COL11A1: variants seen among roughly 807,000 people sequenced by gnomAD.
COL11A1 encodes the protein collagen type XI alpha 1 chain, also known as collagen alpha-1(XI) chain.
A neutral mutation model predicts 265.2 loss-of-function variants in COL11A1; 74 were observed. That is an observed-to-expected ratio of 0.28 (90% CI 0.23 to 0.34). The LOEUF is 0.34. Among genes scored for constraint, COL11A1 ranks in the 10% least tolerant of loss-of-function variants. The pLI is 1.00. For synonymous variants in COL11A1, 816 were observed against 727.6 expected, an observed-to-expected ratio of 1.12 and a Z score of -1.96; for missense variants, 2,165 against 2,263.6, an observed-to-expected ratio of 0.96 and a Z score of 0.88.
chr1:103,072,201 G>A (rs956079619), intron 4 of COL11A1, among the ~76,000 whole-genome samples: 3 of 151,756 alleles, frequency 2.0e-5, no homozygotes, highest in African/African-American at 7.3e-5. Context: ...ATCATCTTCA[G>A]TTTTGCATTT....
intron 45 of COL11A1, 133 bp downstream of exon 45, chr1:102,934,927 T>A: frequency 1.2e-6 from 1 of 818,314 alleles, no homozygotes; most frequent in Non-Finnish European, 2.1e-6. Flanking sequence ...ATTTGATAAT[T>A]TAAATTTGAT....
At chr1:103,025,686 TG>T in intron 6 of COL11A1, 73 bp from the exon 7 acceptor site, 1 of 1,563,868 alleles carries the variant, frequency 6.4e-7, no homozygotes, top group East Asian at 2.2e-5. Flanking sequence ...ATGATTTAAT[TG>T]GGTTATAGTA....
intron 22 of COL11A1, 63 bp downstream of exon 22, chr1:103,002,684 A>G: frequency 7.0e-7 from 1 of 1,419,544 alleles, no homozygotes; most frequent in African/African-American, 1.4e-5. Context: ...ATTTAACAAC[A>G]AAAAATGGTT....
At chr1:102,947,481 A>G (rs1373731953) in intron 41 of COL11A1, among the ~76,000 whole-genome samples, 1 of 152,158 alleles carries the variant, frequency 6.6e-6, no homozygotes, top group Non-Finnish European at 1.5e-5. Context: ...ATAACATTTG[A>G]TAATCACTAT....
intron 4 of COL11A1, among the ~76,000 whole-genome samples, chr1:103,057,070 A>G (rs558525578): frequency 3.3e-5 from 5 of 152,182 alleles, no homozygotes; most frequent in Non-Finnish European, 7.4e-5. Flanking sequence ...CCTTTCATAA[A>G]AGATTTCTCT....
chr1:102,878,039 G>C lies in COL11A1; in HGVS notation c.5401C>G (p.Pro1801Ala), dbSNP rs772836164. 6.2e-7 allele frequency: 1 copy of C among 1,613,296 alleles called. No individual in the cohort carries two copies. The highest frequency in any genetic ancestry group is 2.2e-5 in the East Asian group (1 of 44,816). The change falls in exon 67 of 67, where the codon CCT becomes GCT. Residue 1801 changes from proline (P) to alanine (A), a missense_variant. Transcript: ENST00000370096. ...TAATCTTAGCCAAGAAAACAAACAGGACCAACTTCAAATCCGAACTTCTGA... is the reference window on the plus strand; with the variant it reads ...TAATCTTAGCCAAGAAAACAAACAGCACCAACTTCAAATCCGAACTTCTGA... ...QNQKFGFEVG[P>A]VCFLG
chr1:103,089,218 C>T (rs184838248), intron 1 of COL11A1, among the ~76,000 whole-genome samples: 16 of 152,242 alleles, frequency 1.1e-4, no homozygotes, highest in African/African-American at 3.6e-4. Context: ...TTAAGTTTCC[C>T]AGATGAGTTT....
intron 37 of COL11A1, among the ~76,000 whole-genome samples, chr1:102,968,633 T>C (rs1661662419): frequency 6.6e-6 from 1 of 152,302 alleles, no homozygotes. Context: ...CCTTTGAATC[T>C]GGGTCAGCAG....
At position 103,002,360 on chromosome 1, in the gene COL11A1, G is replaced by T. The variant is rs114121248; in HGVS notation, c.2097+68C>A. 438 of 1,317,858 alleles carry T rather than the reference G, an allele frequency of 3.3e-4. 3 individuals carry two copies. The African/African-American group carries it at 5.4e-3, about 16-fold the overall frequency. 81.6% of individuals were successfully genotyped at this position (1,317,858 alleles called of 1,614,324 possible). Reference sequence around the variant, plus strand: ...CTACATAGAAAATTGTGAGACTGTCGATTTTCTTATAGAAAGATAGCATCT... The same window carrying T: ...CTACATAGAAAATTGTGAGACTGTCTATTTTCTTATAGAAAGATAGCATCT... On this transcript the variant is annotated intron_variant, in intron 23 of 66. Coordinates refer to ENST00000370096, the MANE Select transcript of COL11A1 (RefSeq NM_001854.4).
In COL11A1 at chr1:103,005,796, T is replaced by C. The variant is rs772579715; in HGVS notation, c.1845+42A>G. ...CAAATTGTTATCAATTCTAAAATAT[T>C]TTATAACATTCCCTGGAAAAAAAGG... On this transcript the variant is annotated intron_variant, in intron 18 of 66. Coordinates refer to ENST00000370096, the MANE Select transcript of COL11A1 (RefSeq NM_001854.4). The C allele has an allele frequency of 8.1e-6, 13 of 1,609,444 alleles. No individual in the cohort carries two copies. The East Asian group carries it at 2.7e-4, about 33-fold the overall frequency.
At chr1:103,037,445 G>A (rs1453235042) in intron 4 of COL11A1, among the ~76,000 whole-genome samples, 1 of 152,192 alleles carries the variant, frequency 6.6e-6, no homozygotes, top group East Asian at 1.9e-4. Flanking sequence ...TTCTCAGCCT[G>A]AGCATCCACT....
At chr1:103,021,580 G>T in intron 9 of COL11A1, 127 bp downstream of exon 9, 1 of 701,282 alleles carries the variant, frequency 1.4e-6, no homozygotes, top group South Asian at 1.6e-5. Flanking sequence ...CTTATTTGTG[G>T]TGAATTGCAA....
chr1:103,045,961 G>T (rs1004994574), intron 4 of COL11A1, among the ~76,000 whole-genome samples: 1 of 151,540 alleles, frequency 6.6e-6, no homozygotes, highest in South Asian at 2.1e-4. Context: ...ATTTTTTTAT[G>T]GCTGCATAGT....
intron 5 of COL11A1, 125 bp downstream of exon 5, chr1:103,030,991 C>T: frequency 3.3e-6 from 4 of 1,200,778 alleles, no homozygotes; most frequent in Admixed American, 4.0e-5. Context: ...GGAAATATTA[C>T]AACACAATTA....
rs374197371 is a variant in COL11A1, at chr1:102,997,074, A to G, written c.2241+6T>C. On this transcript the variant is annotated splice_donor_region_variant and intron_variant, in intron 26 of 66. Transcript: ENST00000370096. The stretch of plus-strand genomic sequence containing the variant: ...AGGACATTTAAATGGATACTTTGGA[A>G]CCTACCAGAGCCCCCTTTTCTCCAG... 216 of 1,611,606 alleles carry G rather than the reference A, an allele frequency of 1.3e-4. 1 individual carries two copies. The Middle Eastern group carries it at 4.6e-3, about 35-fold the overall frequency.
intron 4 of COL11A1, among the ~76,000 whole-genome samples, chr1:103,067,260 A>G (rs905177812): frequency 1.3e-5 from 2 of 152,082 alleles, no homozygotes; most frequent in African/African-American, 2.4e-5. Context: ...TCAAACCTCA[A>G]TAAATCTAAA....
intron 29 of COL11A1, among the ~76,000 whole-genome samples, chr1:102,988,587 T>C (rs1663812523): frequency 1.3e-5 from 2 of 152,138 alleles, no homozygotes; most frequent in South Asian, 4.1e-4. Context: ...TTACTCATGT[T>C]TTTGTTCATG....
At chr1:102,989,153 A>T (rs952458633) in intron 29 of COL11A1, among the ~76,000 whole-genome samples, 2 of 152,074 alleles carry the variant, frequency 1.3e-5, no homozygotes, top group African/African-American at 4.8e-5. Context: ...ATAGCTCATT[A>T]TATATGAACA....
At chr1:102,906,558 C>G (rs867620252) in intron 54 of COL11A1, among the ~76,000 whole-genome samples, 2 of 152,164 alleles carry the variant, frequency 1.3e-5, no homozygotes, top group South Asian at 2.1e-4. Flanking sequence ...CAGGCATGTG[C>G]CACCACACCT....
Sources: gnomAD v4.1 joint callset for allele counts (sites outside exome capture counted in the v4.1 genomes callset) on GRCh38, gnomAD v4.1.1 for gene constraint, MANE v1.5 for transcripts, NCBI Gene and HGNC (gene_info 2026-07-23, HGNC 2026-07-21) for gene names.